Variants in C14orf39 observed in about 807,000 individuals in gnomAD.
C14orf39 encodes the protein chromosome 14 open reading frame 39.
C14orf39 carries 66 observed loss-of-function variants against 85.6 expected under a neutral mutation model. The observed-to-expected ratio is 0.77, with a 90% CI of 0.63 to 0.95. The LOEUF is 0.95. Ranked by LOEUF, C14orf39 falls within the 40% of genes least tolerant of loss-of-function variation. The probability of loss-of-function intolerance (pLI) is 0.00; values close to 1 mark genes in which losing one functional copy is unlikely to be tolerated. For synonymous variants in C14orf39, 242 were observed against 214.0 expected (o/e 1.13, Z -1.14); for missense variants, 735 against 663.9 (o/e 1.11, Z -1.18).
chr14:60,485,618 A>G (rs1786940149), intron 1 of C14orf39, among the ~76,000 whole-genome samples: 1 of 152,224 alleles, frequency 6.6e-6, no homozygotes, highest in South Asian at 2.1e-4. Context: ...GCATTACGGC[A>G]TACGCCTGAG....
chr14:60,499,535 A>G (rs1893110808), intron 1 of C14orf39: 1 of 152,294 alleles, frequency 6.6e-6, no homozygotes, highest in Admixed American at 6.5e-5. Flanking sequence ...ATAAGACCAC[A>G]AAATAAATCC....
intron 5 of C14orf39, among the ~76,000 whole-genome samples, chr14:60,475,378 T>C (rs1427494103): frequency 6.6e-6 from 1 of 152,148 alleles, no homozygotes; most frequent in Non-Finnish European, 1.5e-5. Context: ...ATAACCTTTT[T>C]TTCTTATTTG....
intron 1 of C14orf39, chr14:60,509,470 C>G: frequency 6.2e-7 from 1 of 1,600,726 alleles, no homozygotes; most frequent in Non-Finnish European, 8.5e-7. Context: ...TGGAAGAGAG[C>G]GGCGATGTGG....
intron 17 of C14orf39, 84 bp from the exon 18 acceptor site, chr14:60,437,131 C>T: frequency 1.2e-6 from 1 of 852,940 alleles, no homozygotes; most frequent in South Asian, 1.8e-5. Context: ...ATACTGCATA[C>T]AATAAATATG....
chr14:60,442,082 T>C lies in C14orf39; in HGVS notation c.1553A>G (p.Gln518Arg). Residue 518 changes from glutamine (Q) to arginine (R), a missense_variant, in exon 17 of 18, where the codon CAA (glutamine) becomes CGA (arginine). Physicochemically the swap from Gln to Arg is conservative, Grantham distance 43 (BLOSUM62 1). Coordinates refer to ENST00000321731, the MANE Select transcript of C14orf39 (RefSeq NM_174978.3). ...AACTTCAAACAACTTACCAATCTCT[T>C]GCTCTGATGACAGAGGATTTAGATT... Reference protein sequence around the residue: ...ARNLNPLSSEQEIGNLLEKPE... With the variant: ...ARNLNPLSSEREIGNLLEKPE... The C allele has an allele frequency of 6.2e-7, 1 of 1,609,802 alleles. No homozygotes were observed. The highest frequency in any genetic ancestry group is 8.5e-7 in the Non-Finnish European group (1 of 1,176,722).
At chr14:60,444,290 TAAAAACCTTGAA>T (rs1890659456) in intron 16 of C14orf39, among the ~76,000 whole-genome samples, 1 of 152,050 alleles carries the variant, frequency 6.6e-6, no homozygotes, top group Non-Finnish European at 1.5e-5. Flanking sequence ...ACAAAGAAGC[TAAAAACCTTGAA>T]AAAAGGTTAG....
Position 60,470,751 on chromosome 14 carries a change from C to T in C14orf39, c.554+666G>A, listed in dbSNP as rs147757579. 5.3e-5 allele frequency among the ~76,000 whole-genome samples: 8 copies of T among 151,878 alleles called. 1 individual carries two copies. In the East Asian group the frequency reaches 9.7e-4, roughly 18 times the overall value. On this transcript the variant is annotated intron_variant, in intron 7 of 17. Transcript: ENST00000321731. ...GGTTTAGAATGAAGCAGACAGAAAG[C>T]AAGGTAGGATGTGGGGATAAAGAAG...
chr14:60,502,913 G>T (rs544768332), intron 1 of C14orf39, among the ~76,000 whole-genome samples: 128 of 152,172 alleles, frequency 8.4e-4, no homozygotes, highest in Admixed American at 1.3e-3. Context: ...GAAGATGAAG[G>T]CTAACATTTC....
At chr14:60,441,389 C>T (rs569383958) in intron 17 of C14orf39, among the ~76,000 whole-genome samples, 2 of 152,172 alleles carry the variant, frequency 1.3e-5, no homozygotes, top group African/African-American at 4.8e-5. Context: ...GTGATCCTCT[C>T]AATGAAACAA....
chr14:60,499,978 T>C (rs1348177108), intron 1 of C14orf39, among the ~76,000 whole-genome samples: 2 of 152,158 alleles, frequency 1.3e-5, no homozygotes, highest in Admixed American at 6.5e-5. Flanking sequence ...TGGGAAAGAT[T>C]TATAAGAAGA....
At chr14:60,507,108 G>A (rs1341925356) in intron 1 of C14orf39, among the ~76,000 whole-genome samples, 2 of 152,106 alleles carry the variant, frequency 1.3e-5, no homozygotes, top group East Asian at 3.9e-4. Context: ...AGGTCTCCGC[G>A]GACCCCACCG....
chr14:60,446,132 C>G (rs1362303956), intron 16 of C14orf39, among the ~76,000 whole-genome samples: 1 of 152,058 alleles, frequency 6.6e-6, no homozygotes, highest in African/African-American at 2.4e-5. Context: ...AATCGACACC[C>G]TAACATCAAA....
intron 16 of C14orf39, among the ~76,000 whole-genome samples, chr14:60,447,400 A>C (rs1429839986): frequency 6.6e-6 from 1 of 152,216 alleles, no homozygotes; most frequent in African/African-American, 2.4e-5. Context: ...CCTATACACC[A>C]ATAACAGACA....
chr14:60,466,714 T>G (rs557253930), intron 10 of C14orf39, among the ~76,000 whole-genome samples: 2 of 152,022 alleles, frequency 1.3e-5, no homozygotes, highest in African/African-American at 4.8e-5. Flanking sequence ...TGTGAATAAT[T>G]CCTTTCTCAA....
chr14:60,509,247 G>A (rs1185126340), intron 1 of C14orf39: 3 of 690,722 alleles, frequency 4.3e-6, no homozygotes, highest in East Asian at 2.7e-5. Context: ...GTCCGCTCCC[G>A]GCCGTTGAGC....
At chr14:60,508,771 G>C (rs563572928) in intron 1 of C14orf39, among the ~76,000 whole-genome samples, 1 of 152,270 alleles carries the variant, frequency 6.6e-6, no homozygotes, top group African/African-American at 2.4e-5. Flanking sequence ...TTTCAGTTTG[G>C]CCCAGTCCTC....
upstream of C14orf39, among the ~76,000 whole-genome samples, chr14:60,490,618 T>A (rs1027315464): frequency 6.6e-6 from 1 of 151,982 alleles, no homozygotes; most frequent in Non-Finnish European, 1.5e-5. Flanking sequence ...AATAAGATCC[T>A]GCCTCTAAAA....
intron 2 of C14orf39, chr14:60,495,816 C>G (rs894456777): frequency 1.2e-5 from 3 of 249,966 alleles, no homozygotes; most frequent in African/African-American, 2.2e-5. Flanking sequence ...GCTTTGACAT[C>G]CACCTTGAGG....
chr14:60,436,006 G>T lies in C14orf39; in HGVS notation c.*839C>A, dbSNP rs551116429. The T allele has an allele frequency of 4.6e-5, 7 of 152,150 alleles. No homozygotes were observed. The South Asian group carries it at 1.2e-3, about 27-fold the overall frequency. 9.4% of individuals were successfully genotyped at this position (152,150 alleles called of 1,614,324 possible). ...TAACTCAGTACAGCTAATTTACAAA[G>T]CACAAAATACAATGATATTGAGCAA... On this transcript the variant is annotated 3_prime_UTR_variant, in exon 18 of 18. Coordinates refer to ENST00000321731, the MANE Select transcript of C14orf39 (RefSeq NM_174978.3).
Sources: gnomAD v4.1 joint callset for allele counts (sites outside exome capture counted in the v4.1 genomes callset) on GRCh38, gnomAD v4.1.1 for gene constraint, MANE v1.5 for transcripts, NCBI Gene and HGNC (gene_info 2026-07-23, HGNC 2026-07-21) for gene names.